Variants in PLEKHH2 observed in about 807,000 individuals in gnomAD.
PLEKHH2 encodes pleckstrin homology domain-containing family H member 2.
Under a neutral mutation model 187.9 loss-of-function variants are expected in PLEKHH2, and 129 were observed. The ratio of observed to expected loss-of-function variants is 0.69; its 90% CI spans 0.59 to 0.79. The LOEUF (loss-of-function observed/expected upper bound fraction) is 0.79. Ranked by LOEUF, PLEKHH2 falls within the 30% of genes least tolerant of loss-of-function variation. The pLI is 0.00. For synonymous variants in PLEKHH2, 686 were observed against 605.6 expected, an observed-to-expected ratio of 1.13 and a Z score of -1.95; for missense variants, 2,076 against 1,751.2, an observed-to-expected ratio of 1.19 and a Z score of -3.31.
At chr2:43,643,951 T>A (rs573564523) in intron 1 of PLEKHH2, among the ~76,000 whole-genome samples, 1 of 152,126 alleles carries the variant, frequency 6.6e-6, no homozygotes, top group Non-Finnish European at 1.5e-5. Context: ...AAAGTTAATA[T>A]GGAAAACACT....
rs888919399 is a variant in PLEKHH2 at position 43,692,670 on chromosome 2, A to T, written c.336+7A>T. 1.9e-6 allele frequency: 3 copies of T among 1,611,510 alleles called. No homozygotes were observed. Among genetic ancestry groups the T allele is most frequent in the Non-Finnish European group, 2.5e-6 (3 of 1,178,748 alleles). On this transcript the variant is annotated splice_region_variant and intron_variant, in intron 4 of 29. Transcript: ENST00000282406. ...ATTGCAACTTGAAGAGCAGGTTAGGAAGAATTTGATAAAGAGTTCTAAGTG... is the reference window on the plus strand; with the variant it reads ...ATTGCAACTTGAAGAGCAGGTTAGGTAGAATTTGATAAAGAGTTCTAAGTG...
At chr2:43,695,311 T>C in intron 6 of PLEKHH2, 87 bp downstream of exon 6, 1 of 618,074 alleles carries the variant, frequency 1.6e-6, no homozygotes, top group South Asian at 4.4e-5. Context: ...GATGCGATTA[T>C]GGATGTCATC....
In PLEKHH2 at chr2:43,657,061, T is replaced by C. The variant is rs531903000; in HGVS notation, c.123+12265T>C. On this transcript the variant is annotated intron_variant, in intron 2 of 29. Coordinates refer to ENST00000282406, the MANE Select transcript of PLEKHH2 (RefSeq NM_172069.4). ...AAAACAAAATAAAACAAAAAAACCT[T>C]AGTGGCTTCAATTAACAATCATTTT... is the stretch of plus-strand genomic sequence containing the variant. Among the ~76,000 whole-genome samples, 37 of 151,984 alleles carry C rather than the reference T, an allele frequency of 2.4e-4. No individual in the cohort carries two copies. The East Asian group carries it at 7.1e-3, about 29-fold the overall frequency.
At position 43,718,899 on chromosome 2, in the gene PLEKHH2, A is replaced by G. The variant is rs567445683; in HGVS notation, c.2461-1770A>G. Among the ~76,000 whole-genome samples, 21 of 152,336 alleles carry G rather than the reference A, an allele frequency of 1.4e-4. No homozygotes were observed. In the South Asian group the frequency reaches 4.1e-3, roughly 30 times the overall value. On this transcript the variant is annotated intron_variant, in intron 15 of 29. Coordinates refer to ENST00000282406, the MANE Select transcript of PLEKHH2 (RefSeq NM_172069.4). ...TTCTCTCAAACAGCATTCTAAATCC[A>G]TCAAACCGTTAGGTGGTGGAGTTAC...
Position 43,707,499 on chromosome 2 carries a change from C to G in PLEKHH2, c.1920C>G (p.Asp640Glu). ...SRSSSRTSESDSRSRSGPGSP... is the reference protein window; with the variant it reads ...SRSSSRTSESESRSRSGPGSP... ...CCAGCTCCCGGACGTCAGAGTCAGA[C>G]TCACGCAGTAGGAGTGGGCCAGGCA... Residue 640 changes from aspartate (D) to glutamate (E), a missense_variant, in exon 11 of 30, where the codon GAC becomes GAG. Coordinates refer to ENST00000282406, the MANE Select transcript of PLEKHH2 (RefSeq NM_172069.4). 1 of 1,614,158 alleles carries G rather than the reference C, an allele frequency of 6.2e-7. No individual in the cohort carries two copies. The highest frequency in any genetic ancestry group is 8.5e-7 in the Non-Finnish European group (1 of 1,180,028).
intron 14 of PLEKHH2, chr2:43,711,539 A>G: frequency 1.0e-6 from 1 of 958,130 alleles, no homozygotes; most frequent in Non-Finnish European, 1.2e-6. Flanking sequence ...CCTCTTCTTT[A>G]GTTGCTAAAA....
At chr2:43,750,480 CAA>C (rs755499136) in intron 24 of PLEKHH2, among the ~76,000 whole-genome samples, 4 of 133,028 alleles carry the variant, frequency 3.0e-5, no homozygotes, top group Admixed American at 7.6e-5. Flanking sequence ...GACTCTGTCT[CAA>C]AAAAAAAAAA....
chr2:43,729,552 A>G, intron 17 of PLEKHH2, 85 bp from the exon 18 acceptor site: 1 of 849,604 alleles, frequency 1.2e-6, no homozygotes, highest in East Asian at 3.0e-5. Flanking sequence ...TCCATCTCAA[A>G]GTTTTCTACT....
At chr2:43,706,189 T>C in intron 9 of PLEKHH2, 133 bp from the exon 10 acceptor site, 1 of 694,778 alleles carries the variant, frequency 1.4e-6, no homozygotes, top group Non-Finnish European at 2.5e-6. Flanking sequence ...TAAAGTAGAC[T>C]ATACAGTTAG....
At chr2:43,703,897 CAT>C (rs1264363544) in intron 8 of PLEKHH2, 82 bp from the exon 9 acceptor site, 19 of 790,080 alleles carry the variant, frequency 2.4e-5, no homozygotes, top group South Asian at 1.8e-4. Flanking sequence ...AAATGAAAAA[CAT>C]GTGTATTGAA....
chr2:43,678,524 A>G lies in PLEKHH2; in HGVS notation c.124-339A>G, dbSNP rs550476052. Among the ~76,000 whole-genome samples, 238 of 152,330 alleles carry G rather than the reference A, an allele frequency of 1.6e-3. 1 individual carries two copies. The highest frequency in any genetic ancestry group is 5.5e-3 in the African/African-American group (229 of 41,570). On this transcript the variant is annotated intron_variant, in intron 2 of 29. Transcript: ENST00000282406. ...GGAGCTGGAGACCAGCCCGGCCAAC[A>G]CAGCGAAACCCCGTCTCCACCAAAA...
rs1185922166 is a variant in PLEKHH2 at position 43,704,167 on chromosome 2, C to T, written c.1726+111C>T. ...ACAAAAAGACAAATACTGTATGATT[C>T]CACCTAAAGGAGGTGTTTAAAGGGT... is the stretch of plus-strand genomic sequence containing the variant. On this transcript the variant is annotated intron_variant, in intron 9 of 29. Transcript: ENST00000282406. The T allele has an allele frequency of 4.2e-6, 3 of 719,930 alleles. No homozygotes were observed. In the African/African-American group the frequency reaches 5.4e-5, roughly 13 times the overall value. 44.6% of individuals were successfully genotyped at this position (719,930 alleles called of 1,614,324 possible). A position where few individuals can be genotyped will look rare whatever the true frequency, so the allele number is the denominator to read the frequency against.
Position 43,700,664 on chromosome 2 carries a change from T to G in PLEKHH2, c.1650+56T>G, listed in dbSNP as rs537341915. ...CAGTAGTTTTTTTCTCAACACTTTT[T>G]TTTTCTGGGAGGGAGTCTCGCTCTG... On this transcript the variant is annotated intron_variant, in intron 8 of 29. Coordinates refer to ENST00000282406, the MANE Select transcript of PLEKHH2 (RefSeq NM_172069.4). 118 of 1,530,846 alleles carry G rather than the reference T, an allele frequency of 7.7e-5. 1 individual carries two copies. The South Asian group carries it at 1.4e-3, about 19-fold the overall frequency. 94.8% of individuals were successfully genotyped at this position (1,530,846 alleles called of 1,614,324 possible).
rs146273900 is a variant in PLEKHH2, at chr2:43,676,025, G to A, written c.124-2838G>A. ...AAATTATCATTTTTAGTATCGTAGA[G>A]CTCTGCTTTGTCACAGTGTTTGGTC... On this transcript the variant is annotated intron_variant, in intron 2 of 29. Transcript: ENST00000282406. 1.9e-6 allele frequency: 3 copies of A among 1,613,858 alleles called. No individual in the cohort carries two copies. In the Admixed American group the frequency reaches 5.0e-5, roughly 27 times the overall value.
intron 3 of PLEKHH2, among the ~76,000 whole-genome samples, chr2:43,687,692 G>A (rs2104452811): frequency 6.6e-6 from 1 of 152,288 alleles, no homozygotes; most frequent in Middle Eastern, 3.4e-3. Context: ...TGACTGGTGT[G>A]AAATGGTATC....
intron 7 of PLEKHH2, among the ~76,000 whole-genome samples, chr2:43,697,582 A>G (rs1669152648): frequency 6.6e-6 from 1 of 152,174 alleles, no homozygotes; most frequent in Admixed American, 6.5e-5. Context: ...TTCGTAATAT[A>G]TTTTTCCTGC....
At chr2:43,682,252 A>G (rs531267404) in intron 3 of PLEKHH2, among the ~76,000 whole-genome samples, 21 of 152,342 alleles carry the variant, frequency 1.4e-4, no homozygotes, top group African/African-American at 4.8e-4. Flanking sequence ...TTTTCCAAAT[A>G]GCTAATAATT....
At chr2:43,753,415 A>G (rs1672082936) in intron 24 of PLEKHH2, among the ~76,000 whole-genome samples, 1 of 152,130 alleles carries the variant, frequency 6.6e-6, no homozygotes, top group Non-Finnish European at 1.5e-5. Flanking sequence ...GCACTTCTCA[A>G]CCTCAACCTC....
rs201041234 is a variant in PLEKHH2, at chr2:43,699,959, C to G, written c.1001C>G (p.Ser334Cys). ...CTGACAGCATCTGATGACAGCAGCT[C>G]TATATTTGAGGAAGAGACTTTTGGC... ...MYLTASDDSS[S>C]IFEEETFGIK... Residue 334 changes from serine (S) to cysteine (C), a missense_variant, in exon 8 of 30, where the codon TCT (serine) becomes TGT (cysteine). By Grantham distance (112) the Ser-to-Cys change is moderately radical (BLOSUM62 -1). Coordinates refer to ENST00000282406, the MANE Select transcript of PLEKHH2 (RefSeq NM_172069.4). The G allele has an allele frequency of 3.1e-6, 5 of 1,613,970 alleles. No homozygotes were observed. The highest frequency in any genetic ancestry group is 1.3e-5 in the African/African-American group (1 of 74,878).
Sources: allele counts gnomAD v4.1 joint callset (sites outside exome capture counted in the v4.1 genomes callset), GRCh38; gene constraint gnomAD v4.1.1; transcripts MANE v1.5; gene names NCBI Gene and HGNC (gene_info 2026-07-23, HGNC 2026-07-21).